DNAH8: variants seen among roughly 807,000 people sequenced by gnomAD.
DNAH8 encodes the protein axonemal beta dynein heavy chain 8.
Under a neutral mutation model 562.1 loss-of-function variants are expected in DNAH8, and 382 were observed. That is an observed-to-expected ratio of 0.68 (90% CI 0.63 to 0.74). DNAH8 has a LOEUF of 0.74. Among genes scored for constraint, DNAH8 ranks in the 30% least tolerant of loss-of-function variants. DNAH8 has a pLI of 0.00. For missense variants in DNAH8, 5,203 were observed against 5,620.4 expected (o/e 0.93, Z 2.37); for synonymous variants, 1,881 against 1,919.4 (o/e 0.98, Z 0.52).
intron 56 of DNAH8, among the ~76,000 whole-genome samples, chr6:38,884,881 A>G (rs1273501875): frequency 3.3e-5 from 5 of 152,182 alleles, no homozygotes. Context: ...CGGTGTTGCC[A>G]GAAGTCCGCA....
At chr6:38,816,602 G>C (rs1398371012) in intron 26 of DNAH8, among the ~76,000 whole-genome samples, 1 of 152,158 alleles carries the variant, frequency 6.6e-6, no homozygotes, top group Non-Finnish European at 1.5e-5. Flanking sequence ...TATATACCCA[G>C]TAATGGAATT....
chr6:38,722,053 G>A (rs910395282), intron 1 of DNAH8, among the ~76,000 whole-genome samples: 7 of 152,038 alleles, frequency 4.6e-5, no homozygotes, highest in African/African-American at 1.7e-4. Flanking sequence ...TTCCACTGGC[G>A]TCCCCTAATT....
At chr6:38,797,528 A>C (rs77946832) in intron 21 of DNAH8, among the ~76,000 whole-genome samples, 4,689 of 152,160 alleles carry the variant, frequency 0.031, 246 homozygotes, top group African/African-American at 0.1. Flanking sequence ...CCCTCCCCTG[A>C]AACTAAAAGG....
chr6:38,791,060 A>C (rs77059883), intron 20 of DNAH8, among the ~76,000 whole-genome samples: 1 of 152,190 alleles, frequency 6.6e-6, no homozygotes, highest in African/African-American at 2.4e-5. Flanking sequence ...ATGATCATCA[A>C]ATTGAAGATT....
chr6:38,874,781 C>T (rs1363726879), intron 52 of DNAH8, among the ~76,000 whole-genome samples: 4 of 152,184 alleles, frequency 2.6e-5, no homozygotes, highest in Non-Finnish European at 5.9e-5. Context: ...TCTCTCCTTA[C>T]ACATTCTAGA....
intron 89 of DNAH8, among the ~76,000 whole-genome samples, chr6:39,010,940 G>T (rs899670096): frequency 3.9e-5 from 6 of 151,958 alleles, no homozygotes; most frequent in African/African-American, 1.5e-4. Context: ...ACTGGAGGCT[G>T]CAAAAATGTA....
At chr6:38,810,323 G>A (rs1365354128) in intron 24 of DNAH8, among the ~76,000 whole-genome samples, 2 of 152,192 alleles carry the variant, frequency 1.3e-5, no homozygotes, top group Non-Finnish European at 2.9e-5. Flanking sequence ...CAGGCGCAGT[G>A]GCTCACCTCT....
chr6:38,874,253 TCCC>T (rs1777790989), intron 52 of DNAH8, among the ~76,000 whole-genome samples: 2 of 16,574 alleles, frequency 1.2e-4, no homozygotes, highest in African/African-American at 2.8e-4. Context: ...CCCCTTCCCT[TCCC>T]TTCCCTTCCC....
intron 82 of DNAH8, among the ~76,000 whole-genome samples, chr6:38,957,039 G>T (rs895234481): frequency 6.6e-6 from 1 of 152,114 alleles, no homozygotes; most frequent in African/African-American, 2.4e-5. Flanking sequence ...CTGCCTACAA[G>T]AGACTCATTT....
chr6:38,974,888 C>A (rs557865118), intron 85 of DNAH8, among the ~76,000 whole-genome samples: 1 of 152,252 alleles, frequency 6.6e-6, no homozygotes, highest in Non-Finnish European at 1.5e-5. Context: ...TTTGAAAGTG[C>A]CTGTGCTGGC....
rs1009197625 is a variant in DNAH8 at position 38,734,533 on chromosome 6, G to A, written c.670G>A (p.Asp224Asn). The A allele has an allele frequency of 1.2e-6, 2 of 1,613,928 alleles. No individual in the cohort carries two copies. Among genetic ancestry groups the A allele is most frequent in the Admixed American group, 3.3e-5 (2 of 59,998 alleles). The change falls in exon 5 of 93, where the codon GAC becomes AAC. Residue 224 changes from aspartate (D) to asparagine (N), a missense_variant. Around this residue, in one of 6 missense-constraint regions of DNAH8, gnomAD observed 556 missense variants for 496.9 expected, o/e 1.12. Transcript: ENST00000327475. The part of the protein sequence containing the change: ...KGAKMMKLYI[D>N]NAAPDKLKGL... ...GGCAAAAATGATGAAATTGTATATA[G>A]ACAATGCAGCCCCGGATAAACTAAA... is the stretch of plus-strand genomic sequence containing the variant.
intron 88 of DNAH8, among the ~76,000 whole-genome samples, chr6:38,992,090 C>T (rs1029752324): frequency 2.6e-5 from 4 of 152,088 alleles, no homozygotes; most frequent in South Asian, 2.1e-4. Context: ...CTCAGCCTCC[C>T]GAGTAGCTGA....
chr6:38,893,096 G>C (rs1779446970), intron 58 of DNAH8, among the ~76,000 whole-genome samples: 1 of 152,150 alleles, frequency 6.6e-6, no homozygotes, highest in Non-Finnish European at 1.5e-5. Context: ...AAGCCCGCTT[G>C]ATGGCAGCAG....
chr6:38,940,736 C>T (rs1583414198), intron 79 of DNAH8, among the ~76,000 whole-genome samples: 2 of 152,146 alleles, frequency 1.3e-5, no homozygotes, highest in East Asian at 3.8e-4. Context: ...AATGCAGTTC[C>T]CCGTGTGTTT....
At chr6:39,008,228 G>A (rs1466001283) in intron 88 of DNAH8, among the ~76,000 whole-genome samples, 2 of 152,034 alleles carry the variant, frequency 1.3e-5, no homozygotes. Context: ...CCTGGTACAT[G>A]GTAAATCTTT....
intron 18 of DNAH8, 129 bp from the exon 19 acceptor site, chr6:38,789,674 A>G: frequency 1.6e-6 from 1 of 618,536 alleles, no homozygotes; most frequent in East Asian, 2.8e-5. Flanking sequence ...CATAAGTTTA[A>G]ATGGGCAGCT....
At chr6:38,937,833 A>G in intron 77 of DNAH8, 141 bp from the exon 78 acceptor site, 1 of 988,426 alleles carries the variant, frequency 1.0e-6, no homozygotes. Context: ...GTGTCTTAAG[A>G]TTCTACTGTA....
intron 8 of DNAH8, among the ~76,000 whole-genome samples, chr6:38,745,828 G>A (rs750123517): frequency 3.3e-5 from 5 of 152,286 alleles, no homozygotes; most frequent in East Asian, 1.9e-4. Context: ...ATGGTTTCTC[G>A]TGAATACATT....
Position 38,781,258 on chromosome 6 carries a change from A to T in DNAH8, c.2144A>T (p.Tyr715Phe), listed in dbSNP as rs1582987767. 1 of 1,613,814 alleles carries T rather than the reference A, an allele frequency of 6.2e-7. No individual in the cohort carries two copies. The highest frequency in any genetic ancestry group is 2.2e-5 in the East Asian group (1 of 44,834). The change falls in exon 16 of 93, where the codon TAT (tyrosine) becomes TTT (phenylalanine). Residue 715 changes from tyrosine (Y) to phenylalanine (F), a missense_variant. Physicochemically the swap from Tyr to Phe is conservative, Grantham distance 22 (BLOSUM62 3). Around this residue, in one of 6 missense-constraint regions of DNAH8, gnomAD observed 2,176 missense variants for 2,365.1 expected, o/e 0.92. Coordinates refer to ENST00000327475, the MANE Select transcript of DNAH8 (RefSeq NM_001206927.2). Reference sequence around the variant, plus strand: ...ACATCAGATTTTTAATTACAGCTTTATCATTCTCAGAAAGATGACCCCCCT... The same window carrying T: ...ACATCAGATTTTTAATTACAGCTTTTTCATTCTCAGAAAGATGACCCCCCT... ...VAELDATKKL[Y>F]HSQKDDPPLA...
Sources: allele counts gnomAD v4.1 joint callset (sites outside exome capture counted in the v4.1 genomes callset), GRCh38; gene constraint gnomAD v4.1.1; regional missense constraint gnomAD v4.1.1; transcripts MANE v1.5; gene names NCBI Gene and HGNC (gene_info 2026-07-23, HGNC 2026-07-21).